RFX7: variants seen among roughly 807,000 people sequenced by gnomAD.
The protein encoded by RFX7 is regulatory factor X7.
RFX7 carries 26 observed loss-of-function variants against 111.8 expected under a neutral mutation model. The observed-to-expected ratio is 0.23, with a 90% CI of 0.17 to 0.32. The LOEUF (loss-of-function observed/expected upper bound fraction) is 0.32, where lower values mean the gene tolerates loss of function less well. Among genes scored for constraint, RFX7 ranks in the 10% least tolerant of loss-of-function variants. The probability of loss-of-function intolerance (pLI) is 1.00; values close to 1 mark genes in which losing one functional copy is unlikely to be tolerated. For missense variants in RFX7, 1,573 were observed against 1,772.9 expected (o/e 0.89, Z 2.02); for synonymous variants, 624 against 624.4 (o/e 1.00, Z 0.01).
intron 2 of RFX7, among the ~76,000 whole-genome samples, chr15:56,190,231 G>A (rs1319072066): frequency 6.6e-6 from 1 of 152,164 alleles, no homozygotes; most frequent in Non-Finnish European, 1.5e-5. Context: ...ACAACATAAT[G>A]CAATGCTCCA....
intron 3 of RFX7, among the ~76,000 whole-genome samples, chr15:56,149,784 C>T (rs1242828080): frequency 2.6e-5 from 4 of 151,954 alleles, no homozygotes; most frequent in South Asian, 2.1e-4. Context: ...GGGCAGACAC[C>T]GAACTAGATG....
At chr15:56,165,280 G>A (rs1433381924) in intron 3 of RFX7, among the ~76,000 whole-genome samples, 1 of 152,138 alleles carries the variant, frequency 6.6e-6, no homozygotes. Context: ...CATAATCAGT[G>A]TTTAAAACTT....
chr15:56,186,492 T>C (rs1174019708), intron 2 of RFX7, among the ~76,000 whole-genome samples: 1 of 152,148 alleles, frequency 6.6e-6, no homozygotes, highest in African/African-American at 2.4e-5. Flanking sequence ...GTATATAACC[T>C]TTCTGTATAT....
At position 56,088,302 on chromosome 15, in the gene RFX7, A is replaced by G. The variant is rs1325948486; in HGVS notation, c.*5043T>C. The G allele has an allele frequency of 6.5e-6, 1 of 152,736 alleles. No homozygotes were observed. The highest frequency in any genetic ancestry group is 2.4e-5 in the African/African-American group (1 of 41,466). The allele number at this position is 152,736 out of a possible 1,614,324, so 9.5% of individuals were successfully genotyped here. ...TTCCTGTTATTATGTTACCTCCACC[A>G]GTTAATCTCTGAAGTAAAATTTTCT... On this transcript the variant is annotated 3_prime_UTR_variant, in exon 10 of 10. Transcript: ENST00000559447.
At chr15:56,135,905 C>T (rs569508714) in intron 5 of RFX7, among the ~76,000 whole-genome samples, 132 of 152,178 alleles carry the variant, frequency 8.7e-4, no homozygotes, top group East Asian at 3.5e-3. Flanking sequence ...TTCTCAGGTT[C>T]GTCAAAGATC....
chr15:56,103,705 G>A (rs1567008205), intron 5 of RFX7, 35 bp from the exon 6 acceptor site: 3 of 1,258,156 alleles, frequency 2.4e-6, no homozygotes, highest in Non-Finnish European at 3.4e-6. Context: ...TAGAGTGACA[G>A]AATTCAGAAT....
intron 2 of RFX7, among the ~76,000 whole-genome samples, chr15:56,219,292 T>C (rs1216121404): frequency 6.6e-6 from 1 of 152,252 alleles, no homozygotes; most frequent in South Asian, 2.1e-4. Flanking sequence ...CTGGTATTAA[T>C]AGAGCCACTC....
intron 2 of RFX7, among the ~76,000 whole-genome samples, chr15:56,220,502 G>A (rs1828506676): frequency 6.6e-6 from 1 of 151,906 alleles, no homozygotes; most frequent in South Asian, 2.1e-4. Context: ...AAAGTGTTGG[G>A]ATTACAGCGG....
intron 5 of RFX7, among the ~76,000 whole-genome samples, chr15:56,137,078 T>C (rs1381422083): frequency 6.6e-6 from 1 of 152,214 alleles, no homozygotes; most frequent in Non-Finnish European, 1.5e-5. Flanking sequence ...CTAAAATTCT[T>C]TTTTTGTTAT....
intron 2 of RFX7, 83 bp downstream of exon 2, chr15:56,243,042 T>TCCCCCCCCCCCCCCCCCCCCC: frequency 7.4e-6 from 4 of 543,104 alleles, no homozygotes; most frequent in Non-Finnish European, 1.3e-5. Context: ...CCTCCTCCGC[T>TCCCCCCCCCCCCCCCCCCCCC]CCCCCCGCCC....
At chr15:56,169,810 G>A (rs2042824845) in intron 3 of RFX7, among the ~76,000 whole-genome samples, 1 of 150,942 alleles carries the variant, frequency 6.6e-6, no homozygotes, top group Non-Finnish European at 1.5e-5. Context: ...CGAGCACTCT[G>A]GGGATGAGAG....
intron 2 of RFX7, among the ~76,000 whole-genome samples, chr15:56,187,302 C>T (rs2043051647): frequency 1.3e-5 from 2 of 151,762 alleles, no homozygotes; most frequent in African/African-American, 4.8e-5. Flanking sequence ...CCTCCGCCTC[C>T]TGGGTTCAAG....
At chr15:56,234,523 A>G (rs577038297) in intron 2 of RFX7, among the ~76,000 whole-genome samples, 2 of 152,338 alleles carry the variant, frequency 1.3e-5, no homozygotes, top group African/African-American at 4.8e-5. Flanking sequence ...TTGCTTTGAT[A>G]TATCTTATTA....
chr15:56,210,647 G>A (rs565388763), intron 2 of RFX7, among the ~76,000 whole-genome samples: 1 of 152,094 alleles, frequency 6.6e-6, no homozygotes, highest in East Asian at 1.9e-4. Flanking sequence ...CATAAACAAA[G>A]ATTGCTGAAA....
chr15:56,133,850 G>A (rs1595951983), intron 5 of RFX7, among the ~76,000 whole-genome samples: 1 of 152,056 alleles, frequency 6.6e-6, no homozygotes, highest in African/African-American at 2.4e-5. Flanking sequence ...AGAACAACTT[G>A]AAGCTTCTAC....
chr15:56,129,339 C>G (rs1325604587), intron 5 of RFX7, among the ~76,000 whole-genome samples: 3 of 150,130 alleles, frequency 2.0e-5, no homozygotes, highest in Non-Finnish European at 3.0e-5. Context: ...TGCAACACAG[C>G]ACTCCAGCCT....
intron 2 of RFX7, among the ~76,000 whole-genome samples, chr15:56,242,542 T>G (rs2043709698): frequency 6.6e-6 from 1 of 152,194 alleles, no homozygotes; most frequent in Admixed American, 6.5e-5. Context: ...TAAAATATTT[T>G]ATACTAAAAA....
Position 56,243,232 on chromosome 15 carries a change from C to G in RFX7, c.54G>C (p.Gln18His). ...CCGAGTTGGGGGCGCTGGGGGGAAG[C>G]TGCTGATGGGCATCAGGCTGCTGTG... is the stretch of plus-strand genomic sequence containing the variant. ...PPPQQPDAHQQLPPSAPNSGV... is the reference protein window; with the variant it reads ...PPPQQPDAHQHLPPSAPNSGV... Residue 18 changes from glutamine (Q) to histidine (H), a missense_variant, in exon 2 of 10, where the codon CAG becomes CAC. Gln to His is a conservative substitution (Grantham distance 24). This residue lies in a region of RFX7 where 191 missense variants were observed against 194.2 expected (regional missense o/e 0.98). Transcript: ENST00000559447. 3.0e-6 allele frequency: 4 copies of G among 1,316,332 alleles called. No individual in the cohort carries two copies. Among genetic ancestry groups the G allele is most frequent in the Non-Finnish European group, 4.0e-6 (4 of 998,272 alleles). The allele number at this position is 1,316,332 out of a possible 1,614,324, so 81.5% of individuals were successfully genotyped here.
chr15:56,149,744 G>A (rs1407629341), intron 3 of RFX7, among the ~76,000 whole-genome samples: 3 of 151,962 alleles, frequency 2.0e-5, no homozygotes, highest in Non-Finnish European at 4.4e-5. Flanking sequence ...CAGGGCCCTG[G>A]GTTTCAAGCA....
Sources: allele counts gnomAD v4.1 joint callset (sites outside exome capture counted in the v4.1 genomes callset), GRCh38; gene constraint gnomAD v4.1.1; regional missense constraint gnomAD v4.1.1; transcripts MANE v1.5; gene names NCBI Gene and HGNC (gene_info 2026-07-23, HGNC 2026-07-21).